AMBRA1: variants seen among roughly 807,000 people sequenced by gnomAD.
AMBRA1 encodes autophagy and beclin 1 regulator 1.
Under a neutral mutation model 125.4 loss-of-function variants are expected in AMBRA1, and 47 were observed. The ratio of observed to expected loss-of-function variants is 0.37; its 90% CI spans 0.30 to 0.48. The LOEUF is 0.48. Among genes scored for constraint, AMBRA1 ranks in the 20% least tolerant of loss-of-function variants. AMBRA1 has a pLI of 0.99. For synonymous variants in AMBRA1, 626 were observed against 655.5 expected (o/e 0.95, Z 0.69); for missense variants, 1,331 against 1,693.4 (o/e 0.79, Z 3.76).
At chr11:46,455,428 A>G (rs191906270) in intron 11 of AMBRA1, among the ~76,000 whole-genome samples, 1 of 152,320 alleles carries the variant, frequency 6.6e-6, no homozygotes, top group Non-Finnish European at 1.5e-5. Context: ...TACTATTGGT[A>G]TCTTTTAACA....
At chr11:46,515,082 G>A (rs1951418359) in intron 7 of AMBRA1, among the ~76,000 whole-genome samples, 1 of 152,192 alleles carries the variant, frequency 6.6e-6, no homozygotes, top group African/African-American at 2.4e-5. Flanking sequence ...GTGCTCTGGA[G>A]TTAGTCCTGA....
chr11:46,459,722 G>GA (rs1035456558), intron 11 of AMBRA1, among the ~76,000 whole-genome samples: 19 of 93,938 alleles, frequency 2.0e-4, no homozygotes, highest in East Asian at 1.2e-3. Context: ...CTCCCAAAAA[G>GA]AAAAAAAAAA....
At chr11:46,511,918 G>A (rs559632132) in intron 8 of AMBRA1, among the ~76,000 whole-genome samples, 11 of 150,128 alleles carry the variant, frequency 7.3e-5, no homozygotes, top group East Asian at 3.9e-4. Context: ...GCAGTGGTGC[G>A]ATCTCTGCTC....
At chr11:46,558,645 T>C (rs1046195672) in intron 1 of AMBRA1, among the ~76,000 whole-genome samples, 1 of 150,654 alleles carries the variant, frequency 6.6e-6, no homozygotes, top group African/African-American at 2.4e-5. Flanking sequence ...AAACCCACTA[T>C]CTGCTCAATA....
chr11:46,563,423 A>G (rs1447026201), intron 1 of AMBRA1, among the ~76,000 whole-genome samples: 1 of 152,048 alleles, frequency 6.6e-6, no homozygotes, highest in Non-Finnish European at 1.5e-5. Flanking sequence ...ACAAGGTTTC[A>G]CTATGTGCCC....
At chr11:46,559,290 C>T (rs981832139) in intron 1 of AMBRA1, among the ~76,000 whole-genome samples, 2 of 149,908 alleles carry the variant, frequency 1.3e-5, no homozygotes, top group African/African-American at 4.9e-5. Flanking sequence ...CAGAGTGAGA[C>T]CCTGTCTCAA....
intron 7 of AMBRA1, among the ~76,000 whole-genome samples, chr11:46,536,922 C>T (rs544880481): frequency 4.6e-5 from 7 of 152,344 alleles, no homozygotes; most frequent in Non-Finnish European, 7.4e-5. Context: ...TCTCAGAAGA[C>T]GCTCAGTCTT....
At chr11:46,569,376 A>G (rs1269619815) in intron 1 of AMBRA1, among the ~76,000 whole-genome samples, 1 of 148,342 alleles carries the variant, frequency 6.7e-6, no homozygotes, top group Non-Finnish European at 1.5e-5. Context: ...TATAACACAC[A>G]TTACCCTGCA....
intron 9 of AMBRA1, among the ~76,000 whole-genome samples, chr11:46,505,447 T>C (rs1164773538): frequency 6.6e-6 from 1 of 152,118 alleles, no homozygotes; most frequent in East Asian, 1.9e-4. Context: ...GGACTACTAA[T>C]GTTGAGGTGA....
chr11:46,486,364 T>G (rs1428401780), intron 11 of AMBRA1, among the ~76,000 whole-genome samples: 6 of 152,228 alleles, frequency 3.9e-5, no homozygotes, highest in Non-Finnish European at 7.3e-5. Context: ...CAGTCTCTAT[T>G]ATTAATCTAT....
intron 11 of AMBRA1, among the ~76,000 whole-genome samples, chr11:46,458,640 A>C (rs1260794786): frequency 6.6e-6 from 1 of 152,174 alleles, no homozygotes; most frequent in Non-Finnish European, 1.5e-5. Context: ...TCTGTCGCCC[A>C]GGCTGGAGTG....
At chr11:46,543,526 T>A in intron 6 of AMBRA1, 128 bp from the exon 7 acceptor site, 1 of 1,206,938 alleles carries the variant, frequency 8.3e-7, no homozygotes, top group Non-Finnish European at 1.1e-6. Context: ...AGGAAACAAC[T>A]CTCTACCCCT....
rs1590753697 is a variant in AMBRA1 at position 46,419,303 on chromosome 11, C to T, written c.2977-1251G>A. 2.6e-5 allele frequency among the ~76,000 whole-genome samples: 4 copies of T among 152,156 alleles called. No homozygotes were observed. In the East Asian group the frequency reaches 7.7e-4, roughly 29 times the overall value. Reference sequence around the variant, plus strand: ...ACTCTCTGATATGTTTTAGAAGCAACTTAATCAGAGATAGGGGCAGGTCAG... The same window carrying T: ...ACTCTCTGATATGTTTTAGAAGCAATTTAATCAGAGATAGGGGCAGGTCAG... On this transcript the variant is annotated intron_variant, in intron 14 of 17. Coordinates refer to ENST00000683756, the MANE Select transcript of AMBRA1 (RefSeq NM_001387011.1).
rs200566712 is a variant in AMBRA1, at chr11:46,508,389, G to A, written c.2160-19C>T. On this transcript the variant is annotated intron_variant, in intron 8 of 17. Transcript: ENST00000683756. ...AGATAATCTGAGAGAGACAGAGATG[G>A]ACAAACACAAACTAGCACTAATGTG... is the stretch of plus-strand genomic sequence containing the variant. 3.1e-6 allele frequency: 5 copies of A among 1,610,452 alleles called. No individual in the cohort carries two copies.
chr11:46,430,434 C>T (rs1214225639), intron 14 of AMBRA1, among the ~76,000 whole-genome samples: 1 of 152,076 alleles, frequency 6.6e-6, no homozygotes, highest in African/African-American at 2.4e-5. Context: ...CCTCTGACTC[C>T]CATTCTTATT....
chr11:46,428,914 G>A, intron 14 of AMBRA1: 2 of 1,611,950 alleles, frequency 1.2e-6, no homozygotes, highest in Admixed American at 1.7e-5. Context: ...GGTAATCACG[G>A]AGATACTGGA....
intron 8 of AMBRA1, among the ~76,000 whole-genome samples, chr11:46,510,560 A>G (rs1951218911): frequency 6.6e-6 from 1 of 152,226 alleles, no homozygotes; most frequent in Non-Finnish European, 1.5e-5. Context: ...TAAGTAATGG[A>G]AAAAACATAA....
At position 46,543,223 on chromosome 11, in the gene AMBRA1, G is replaced by A. The variant is rs755281658; in HGVS notation, c.794C>T (p.Ser265Phe). ...QVGEQSTVQD[S>F]ATPSPPPPPP... Reference sequence around the variant, plus strand: ...AGGCGGTGGGGGTGAGGGGGTAGCAGAATCTTGCACTGTGCTTTGCTCTCC... The same window carrying A: ...AGGCGGTGGGGGTGAGGGGGTAGCAAAATCTTGCACTGTGCTTTGCTCTCC... The change falls in exon 7 of 18, where the codon TCT becomes TTT. Residue 265 changes from serine (S) to phenylalanine (F), a missense_variant. Ser to Phe is a radical substitution (Grantham distance 155, BLOSUM62 -2). Around this residue, in one of 4 missense-constraint regions of AMBRA1, gnomAD observed 689 missense variants for 776.5 expected, o/e 0.89. Transcript: ENST00000683756. 3 of 1,611,340 alleles carry A rather than the reference G, an allele frequency of 1.9e-6. No homozygotes were observed. Among genetic ancestry groups the A allele is most frequent in the Non-Finnish European group, 2.5e-6 (3 of 1,179,038 alleles).
chr11:46,471,940 A>G (rs1029646192), intron 11 of AMBRA1, among the ~76,000 whole-genome samples: 3 of 152,124 alleles, frequency 2.0e-5, no homozygotes, highest in Non-Finnish European at 2.9e-5. Context: ...ATAACTTTCT[A>G]CTTCAGGATT....
Sources: allele counts gnomAD v4.1 joint callset (sites outside exome capture counted in the v4.1 genomes callset), GRCh38; gene constraint gnomAD v4.1.1; regional missense constraint gnomAD v4.1.1; transcripts MANE v1.5; gene names NCBI Gene and HGNC (gene_info 2026-07-23, HGNC 2026-07-21).